VAT1L: variants seen among roughly 807,000 people sequenced by gnomAD.
VAT1L encodes the protein putative NADPH-dependent quinone oxidoreductase VAT1L.
Under a neutral mutation model 44.1 loss-of-function variants are expected in VAT1L, and 34 were observed. That is an observed-to-expected ratio of 0.77 (90% CI 0.59 to 1.03). The LOEUF (loss-of-function observed/expected upper bound fraction) is 1.03. Among genes scored for constraint, VAT1L ranks in the 50% least tolerant of loss-of-function variants. The probability of loss-of-function intolerance (pLI) is 0.00; values close to 1 mark genes in which losing one functional copy is unlikely to be tolerated. For synonymous variants in VAT1L, 253 were observed against 202.2 expected (o/e 1.25, Z -2.13); for missense variants, 615 against 538.8 (o/e 1.14, Z -1.40).
intron 7 of VAT1L, among the ~76,000 whole-genome samples, chr16:77,909,848 C>G (rs1196766517): frequency 2.0e-5 from 3 of 152,072 alleles, no homozygotes; most frequent in Non-Finnish European, 4.4e-5. Context: ...CTGAATTTTT[C>G]CATGCCTGCA....
chr16:77,927,154 T>C (rs415054), intron 7 of VAT1L, among the ~76,000 whole-genome samples: 149,503 of 152,044 alleles, frequency 0.98, 73,544 homozygotes, highest in South Asian at 1. Flanking sequence ...CTGGCTAACA[T>C]GGTGAAATCT....
chr16:77,842,219 C>A (rs1039607445), intron 3 of VAT1L, among the ~76,000 whole-genome samples: 1 of 152,186 alleles, frequency 6.6e-6, no homozygotes, highest in East Asian at 1.9e-4. Context: ...TCTGGTTGCT[C>A]TTTTCCAAGG....
intron 4 of VAT1L, among the ~76,000 whole-genome samples, chr16:77,876,129 G>A (rs900945378): frequency 3.3e-5 from 5 of 152,182 alleles, no homozygotes; most frequent in Admixed American, 3.3e-4. Context: ...TCTGGCCCAG[G>A]CTGGTTCCCA....
intron 7 of VAT1L, among the ~76,000 whole-genome samples, chr16:77,946,131 T>G (rs2017959600): frequency 2.0e-5 from 3 of 151,820 alleles, no homozygotes; most frequent in Admixed American, 2.0e-4. Context: ...ATTATCACAT[T>G]GTACAAAAAA....
chr16:77,936,908 C>T (rs1157030196), intron 7 of VAT1L, among the ~76,000 whole-genome samples: 4 of 139,368 alleles, frequency 2.9e-5, no homozygotes, highest in East Asian at 2.3e-4. Flanking sequence ...GTTTTTGAGA[C>T]GGAGTCTCGC....
At chr16:77,833,331 C>T (rs761677120) in intron 3 of VAT1L, among the ~76,000 whole-genome samples, 3 of 152,184 alleles carry the variant, frequency 2.0e-5, no homozygotes, top group African/African-American at 7.2e-5. Context: ...GAACAGAGAC[C>T]TGACCTGCAC....
intron 3 of VAT1L, among the ~76,000 whole-genome samples, chr16:77,851,380 G>A (rs2016806966): frequency 1.3e-5 from 2 of 152,164 alleles, no homozygotes; most frequent in South Asian, 2.1e-4. Context: ...CAGGCACGGT[G>A]GCTTATGCCT....
intron 1 of VAT1L, among the ~76,000 whole-genome samples, chr16:77,810,834 T>G (rs146733918): frequency 1.3e-5 from 2 of 152,360 alleles, no homozygotes; most frequent in East Asian, 3.9e-4. Flanking sequence ...AAAAGTACTG[T>G]CTTCATAAAG....
chr16:77,980,086 T>G lies in VAT1L; in HGVS notation c.*2391T>G, dbSNP rs1686286187. 6.6e-6 allele frequency: 1 copy of G among 152,662 alleles called. No individual in the cohort carries two copies. The highest frequency in any genetic ancestry group is 1.5e-5 in the Non-Finnish European group (1 of 68,040). 9.5% of individuals were successfully genotyped at this position (152,662 alleles called of 1,614,324 possible). A position where few individuals can be genotyped will look rare whatever the true frequency, so the allele number is the denominator to read the frequency against. ...TGTTTACATAAAAATATAAATAAAG[T>G]ATTCAGCATAGCAAAACCTCACCTG... is the stretch of plus-strand genomic sequence containing the variant. On this transcript the variant is annotated 3_prime_UTR_variant, in exon 9 of 9. Transcript: ENST00000302536.
chr16:77,896,125 C>G (rs2017321729), intron 7 of VAT1L, among the ~76,000 whole-genome samples: 1 of 152,184 alleles, frequency 6.6e-6, no homozygotes, highest in South Asian at 2.1e-4. Flanking sequence ...CGGAATATAC[C>G]CATCCCTCTG....
At chr16:77,844,356 T>C (rs2016736991) in intron 3 of VAT1L, among the ~76,000 whole-genome samples, 1 of 152,218 alleles carries the variant, frequency 6.6e-6, no homozygotes, top group Non-Finnish European at 1.5e-5. Context: ...ATTTAAAGTA[T>C]ACAGGAAGAT....
chr16:77,877,986 C>G (rs567697089), intron 5 of VAT1L, among the ~76,000 whole-genome samples: 2 of 152,250 alleles, frequency 1.3e-5, no homozygotes, highest in South Asian at 4.1e-4. Flanking sequence ...TGCAGATGGA[C>G]GATGTAGTCA....
chr16:77,831,286 T>C (rs377285408), intron 3 of VAT1L, among the ~76,000 whole-genome samples: 1 of 152,144 alleles, frequency 6.6e-6, no homozygotes, highest in African/African-American at 2.4e-5. Flanking sequence ...ACTTGACATA[T>C]AGTCTATAAA....
At chr16:77,912,291 C>T (rs1597095502) in intron 7 of VAT1L, among the ~76,000 whole-genome samples, 1 of 152,274 alleles carries the variant, frequency 6.6e-6, no homozygotes, top group African/African-American at 2.4e-5. Context: ...GTGAAGTTAA[C>T]ATAAGTAAAG....
chr16:77,788,580 T>C lies in VAT1L; in HGVS notation c.-103T>C. On this transcript the variant is annotated 5_prime_UTR_variant, in exon 1 of 9. Transcript: ENST00000302536. ...GCTGCAGCCATTGCACAGCCGAGCA[T>C]CCCACATTCAACAGGAGGAACCCGC... The C allele has an allele frequency of 7.6e-7, 1 of 1,323,866 alleles. No homozygotes were observed. Among genetic ancestry groups the C allele is most frequent in the Non-Finnish European group, 1.0e-6 (1 of 963,712 alleles). The allele number at this position is 1,323,866 out of a possible 1,614,324, so 82.0% of individuals were successfully genotyped here. A position where few individuals can be genotyped will look rare whatever the true frequency, so the allele number is the denominator to read the frequency against.
chr16:77,974,186 C>T (rs1275652849), intron 8 of VAT1L, among the ~76,000 whole-genome samples: 1 of 152,130 alleles, frequency 6.6e-6, no homozygotes, highest in African/African-American at 2.4e-5. Flanking sequence ...AGTTCCAGGG[C>T]TGTTCAAAGC....
In VAT1L at chr16:77,817,030, G is replaced by C; in HGVS notation, c.343G>C (p.Asp115His). ...TTCTGGGATTGTTGAAGCTCTGGGG[G>C]ACAGCGTGAAAGGATATGAGGTAAT... ...ECSGIVEALG[D>H]SVKGYEIGDR... The change falls in exon 2 of 9, where the codon GAC becomes CAC. Residue 115 changes from aspartate to histidine, a missense_variant. By Grantham distance (81) the Asp-to-His change is moderately conservative. Coordinates refer to ENST00000302536, the MANE Select transcript of VAT1L (RefSeq NM_020927.3). 1 of 1,613,964 alleles carries C rather than the reference G, an allele frequency of 6.2e-7. No individual in the cohort carries two copies. The highest frequency in any genetic ancestry group is 8.5e-7 in the Non-Finnish European group (1 of 1,179,920).
Position 77,819,996 on chromosome 16 carries a change from C to T in VAT1L, c.363+2946C>T, listed in dbSNP as rs1364080478. ...TAAAGACCCTTTACTAATATTATACCCATTTCAGAGCTGAGGAAACTGAGC... is the reference window on the plus strand; with the variant it reads ...TAAAGACCCTTTACTAATATTATACTCATTTCAGAGCTGAGGAAACTGAGC... On this transcript the variant is annotated intron_variant, in intron 2 of 8. Coordinates refer to ENST00000302536, the MANE Select transcript of VAT1L (RefSeq NM_020927.3). 2.6e-5 allele frequency among the ~76,000 whole-genome samples: 4 copies of T among 152,054 alleles called. No individual in the cohort carries two copies. The East Asian group carries it at 7.7e-4, about 29-fold the overall frequency.
intron 7 of VAT1L, among the ~76,000 whole-genome samples, chr16:77,929,244 G>A (rs2017702280): frequency 6.6e-6 from 1 of 152,108 alleles, no homozygotes; most frequent in Admixed American, 6.6e-5. Flanking sequence ...CTTCAATAAT[G>A]AGTCTCTAGA....
Sources: gnomAD v4.1 joint callset for allele counts (sites outside exome capture counted in the v4.1 genomes callset) on GRCh38, gnomAD v4.1.1 for gene constraint, MANE v1.5 for transcripts, NCBI Gene and HGNC (gene_info 2026-07-23, HGNC 2026-07-21) for gene names.